Variants in KATNIP observed in about 807,000 individuals in gnomAD.
The protein encoded by KATNIP is katanin-interacting protein.
KATNIP carries 126 observed loss-of-function variants against 174.0 expected under a neutral mutation model. The observed-to-expected ratio is 0.72, with a 90% CI of 0.63 to 0.84. KATNIP has a LOEUF of 0.84. KATNIP is among the 40% of genes least tolerant of loss of function. KATNIP has a pLI of 0.00. For missense variants in KATNIP, 1,958 were observed against 2,109.7 expected (o/e 0.93, Z 1.41); for synonymous variants, 810 against 835.7 (o/e 0.97, Z 0.53).
chr16:27,697,710 A>G (rs1010224248), intron 8 of KATNIP, among the ~76,000 whole-genome samples: 1 of 152,044 alleles, frequency 6.6e-6, no homozygotes, highest in East Asian at 1.9e-4. Flanking sequence ...AGATAAATTG[A>G]TCGATAGAGG....
At chr16:27,661,502 C>T (rs969847842) in intron 6 of KATNIP, among the ~76,000 whole-genome samples, 1 of 151,990 alleles carries the variant, frequency 6.6e-6, no homozygotes, top group African/African-American at 2.4e-5. Context: ...TGCGATTCTC[C>T]TGCCTCAGCC....
intron 6 of KATNIP, among the ~76,000 whole-genome samples, chr16:27,656,373 A>T (rs1199726845): frequency 6.9e-6 from 1 of 144,288 alleles, no homozygotes; most frequent in Non-Finnish European, 1.5e-5. Context: ...AGCTGTGATC[A>T]TGGCACTACA....
At chr16:27,646,138 C>T (rs1047446209) in intron 5 of KATNIP, among the ~76,000 whole-genome samples, 1 of 152,224 alleles carries the variant, frequency 6.6e-6, no homozygotes, top group African/African-American at 2.4e-5. Flanking sequence ...CTTTAATCCT[C>T]TTCACACTGG....
At chr16:27,584,102 A>G (rs2090797685) in intron 2 of KATNIP, among the ~76,000 whole-genome samples, 1 of 152,176 alleles carries the variant, frequency 6.6e-6, no homozygotes, top group South Asian at 2.1e-4. Context: ...CTAGGTGGTC[A>G]GGGTGCCTAG....
At chr16:27,594,716 G>A (rs995476364) in intron 2 of KATNIP, among the ~76,000 whole-genome samples, 1 of 152,160 alleles carries the variant, frequency 6.6e-6, no homozygotes, top group African/African-American at 2.4e-5. Flanking sequence ...GCTGCCCAAA[G>A]TGCTGGGATT....
intron 18 of KATNIP, among the ~76,000 whole-genome samples, chr16:27,758,100 G>A (rs1022176465): frequency 3.3e-5 from 5 of 152,194 alleles, no homozygotes; most frequent in African/African-American, 1.2e-4. Context: ...CCCCAAATTA[G>A]ATGGAATCGC....
chr16:27,628,558 A>T, intron 3 of KATNIP, 103 bp from the exon 4 acceptor site: 1 of 1,255,484 alleles, frequency 8.0e-7, no homozygotes, highest in Non-Finnish European at 1.1e-6. Context: ...GGCTCTGATT[A>T]GAGACGCTTC....
intron 2 of KATNIP, among the ~76,000 whole-genome samples, chr16:27,577,590 G>T (rs1460101151): frequency 1.3e-5 from 2 of 152,176 alleles, no homozygotes; most frequent in Non-Finnish European, 2.9e-5. Flanking sequence ...TACTCGGGAG[G>T]CTGAAGCAGG....
intron 3 of KATNIP, among the ~76,000 whole-genome samples, chr16:27,625,802 T>A (rs956959245): frequency 6.6e-6 from 1 of 152,066 alleles, no homozygotes; most frequent in Non-Finnish European, 1.5e-5. Context: ...ACATTACCTT[T>A]ACTACATATG....
chr16:27,620,097 G>A (rs2076150043), intron 3 of KATNIP, among the ~76,000 whole-genome samples: 1 of 152,196 alleles, frequency 6.6e-6, no homozygotes, highest in Admixed American at 6.5e-5. Context: ...CAATCAAAGA[G>A]GCACTGGCCA....
chr16:27,683,187 G>A (rs1209505832), intron 8 of KATNIP, among the ~76,000 whole-genome samples: 2 of 152,194 alleles, frequency 1.3e-5, no homozygotes, highest in Non-Finnish European at 2.9e-5. Flanking sequence ...ATCTGTGCAT[G>A]CACAAGCCAT....
chr16:27,635,602 T>G (rs1313088599), intron 5 of KATNIP, among the ~76,000 whole-genome samples: 1 of 148,258 alleles, frequency 6.7e-6, no homozygotes, highest in Non-Finnish European at 1.5e-5. Context: ...GCTCTAGGGT[T>G]CAAAAAAAAA....
At chr16:27,588,736 T>C (rs770649596) in intron 2 of KATNIP, among the ~76,000 whole-genome samples, 5 of 152,184 alleles carry the variant, frequency 3.3e-5, no homozygotes, top group Non-Finnish European at 7.3e-5. Flanking sequence ...ATTGTTGTTA[T>C]TAAAAATTTT....
intron 20 of KATNIP, among the ~76,000 whole-genome samples, chr16:27,769,525 A>G (rs1162588646): frequency 6.6e-6 from 1 of 152,232 alleles, no homozygotes; most frequent in Non-Finnish European, 1.5e-5. Context: ...CTAGTGGTGC[A>G]CATGGAAGCG....
chr16:27,578,177 A>G lies in KATNIP; in HGVS notation c.63+4221A>G, dbSNP rs145352913. On this transcript the variant is annotated intron_variant, in intron 2 of 27. Coordinates refer to ENST00000261588, the MANE Select transcript of KATNIP (RefSeq NM_015202.5). ...CCATGGATTAAGTAGACTCTGGCAT[A>G]CAAAAATTAGCCAGGCGTGGTGGTA... is the stretch of plus-strand genomic sequence containing the variant. Among the ~76,000 whole-genome samples the G allele has an allele frequency of 1.1e-4, 16 of 152,170 alleles. No homozygotes were observed. The East Asian group carries it at 2.3e-3, about 22-fold the overall frequency.
intron 1 of KATNIP, among the ~76,000 whole-genome samples, chr16:27,558,456 T>C (rs542818236): frequency 2.0e-5 from 3 of 152,256 alleles, no homozygotes; most frequent in Non-Finnish European, 2.9e-5. Context: ...CTTTTTGTTT[T>C]AATCTGAAAA....
At position 27,658,271 on chromosome 16, in the gene KATNIP, G is replaced by A. The variant is rs2077362522; in HGVS notation, c.540+9536G>A. 3.3e-5 allele frequency among the ~76,000 whole-genome samples: 5 copies of A among 152,170 alleles called. 1 individual carries two copies. The South Asian group carries it at 1.0e-3, about 32-fold the overall frequency. On this transcript the variant is annotated intron_variant, in intron 6 of 27. Coordinates refer to ENST00000261588, the MANE Select transcript of KATNIP (RefSeq NM_015202.5). ...AGCTGCAGTTCTCAAAGTTGGATATGCATAAGAATCGCTTAGGATATTTGT... is the reference window on the plus strand; with the variant it reads ...AGCTGCAGTTCTCAAAGTTGGATATACATAAGAATCGCTTAGGATATTTGT...
chr16:27,593,079 C>CTCTGCT (rs979022404), intron 2 of KATNIP, among the ~76,000 whole-genome samples: 1 of 152,168 alleles, frequency 6.6e-6, no homozygotes, highest in Non-Finnish European at 1.5e-5. Flanking sequence ...CTATCTACCT[C>CTCTGCT]TCTGCTTCTG....
At chr16:27,586,263 T>A (rs1195201453) in intron 2 of KATNIP, among the ~76,000 whole-genome samples, 1 of 152,062 alleles carries the variant, frequency 6.6e-6, no homozygotes, top group East Asian at 1.9e-4. Flanking sequence ...ATACACCCAT[T>A]ATGTACCCAC....
Sources: allele counts gnomAD v4.1 joint callset (sites outside exome capture counted in the v4.1 genomes callset), GRCh38; gene constraint gnomAD v4.1.1; transcripts MANE v1.5; gene names NCBI Gene and HGNC (gene_info 2026-07-23, HGNC 2026-07-21).